Variants in RYR2 observed in about 807,000 individuals in gnomAD.
RYR2 encodes the protein ryanodine receptor 2, also known as cardiac muscle ryanodine receptor-calcium release channel.
A neutral mutation model predicts 601.1 loss-of-function variants in RYR2; 227 were observed. The observed-to-expected ratio is 0.38, with a 90% CI of 0.34 to 0.42. The LOEUF (loss-of-function observed/expected upper bound fraction) is 0.42, where lower values mean the gene tolerates loss of function less well. RYR2 is among the 10% of genes least tolerant of loss of function. RYR2 has a pLI of 1.00. For synonymous variants in RYR2, 2,223 were observed against 2,175.1 expected (o/e 1.02, Z -0.61); for missense variants, 4,646 against 6,156.5 (o/e 0.75, Z 8.21).
In RYR2 at chr1:237,707,271, T is replaced by G. The variant is rs572723136; in HGVS notation, c.9901+2T>G. On this transcript the variant is annotated splice_donor_variant, in intron 68 of 104. Transcript: ENST00000366574. LOFTEE classifies it high-confidence loss of function. ...GAGCCTGGATGAAGAGGCTAGCAGG[T>G]AAGAACTGGAAGAAGACATTGTACC... is the stretch of plus-strand genomic sequence containing the variant. 1 of 1,463,826 alleles carries G rather than the reference T, an allele frequency of 6.8e-7. No homozygotes were observed. The highest frequency in any genetic ancestry group is 1.4e-5 in the African/African-American group (1 of 71,604). 90.7% of individuals were successfully genotyped at this position (1,463,826 alleles called of 1,614,324 possible). A position where few individuals can be genotyped will look rare whatever the true frequency, so the allele number is the denominator to read the frequency against.
At chr1:237,541,118 T>C (rs982781239) in intron 25 of RYR2, among the ~76,000 whole-genome samples, 1 of 152,180 alleles carries the variant, frequency 6.6e-6, no homozygotes, top group African/African-American at 2.4e-5. Flanking sequence ...GATGAGGCAC[T>C]GTAATTATGA....
intron 17 of RYR2, among the ~76,000 whole-genome samples, chr1:237,475,032 A>G (rs1468592083): frequency 6.6e-5 from 10 of 152,258 alleles, no homozygotes; most frequent in Non-Finnish European, 2.9e-5. Flanking sequence ...GACAGATCAC[A>G]TTTAATAAAC....
intron 73 of RYR2, among the ~76,000 whole-genome samples, chr1:237,720,908 GA>G (rs1689666370): frequency 6.6e-6 from 1 of 152,166 alleles, no homozygotes; most frequent in African/African-American, 2.4e-5. Context: ...CAGGAGACAG[GA>G]AGAAGGAAGA....
chr1:237,534,125 G>C (rs1572754691), intron 25 of RYR2, among the ~76,000 whole-genome samples: 1 of 151,956 alleles, frequency 6.6e-6, no homozygotes, highest in Non-Finnish European at 1.5e-5. Flanking sequence ...GTTGAAAATA[G>C]TAAGAATGAC....
Position 237,678,081 on chromosome 1 carries a change from C to G in RYR2, c.8864C>G (p.Pro2955Arg). The G allele has an allele frequency of 6.2e-7, 1 of 1,605,436 alleles. No homozygotes were observed. Among genetic ancestry groups the G allele is most frequent in the Non-Finnish European group, 8.5e-7 (1 of 1,173,546 alleles). ...AGCAGAGGCAAAGGAGAACATTTCC[C>G]TTATGAACAAGAAATCAAGTTCTTT... ...GGSRGKGEHF[P>R]YEQEIKFFAK... Residue 2955 changes from proline to arginine, a missense_variant, in exon 61 of 105, where the codon CCT (proline) becomes CGT (arginine). Physicochemically the swap from Pro to Arg is moderately radical, Grantham distance 103 (BLOSUM62 -2). This residue lies in a region of RYR2 where 1,497 missense variants were observed against 1,842.6 expected (regional missense o/e 0.81). Coordinates refer to ENST00000366574, the MANE Select transcript of RYR2 (RefSeq NM_001035.3).
intron 8 of RYR2, among the ~76,000 whole-genome samples, chr1:237,382,932 G>A (rs1352052104): frequency 2.1e-5 from 3 of 144,738 alleles, no homozygotes; most frequent in Non-Finnish European, 1.5e-5. Context: ...TTTTTCAGAA[G>A]AAAAAACTGA....
intron 2 of RYR2, among the ~76,000 whole-genome samples, chr1:237,307,122 C>T (rs767740415): frequency 6.6e-6 from 1 of 152,052 alleles, no homozygotes; most frequent in African/African-American, 2.4e-5. Context: ...TTCTTTTCTA[C>T]GTAAAAGCTC....
chr1:237,628,702 T>A (rs911643503), intron 41 of RYR2, among the ~76,000 whole-genome samples: 29 of 152,132 alleles, frequency 1.9e-4, no homozygotes, highest in African/African-American at 6.8e-4. Flanking sequence ...TGTTTTTTTT[T>A]AAGTCTCATA....
intron 1 of RYR2, among the ~76,000 whole-genome samples, chr1:237,216,274 G>A (rs948252709): frequency 1.3e-5 from 2 of 151,942 alleles, no homozygotes; most frequent in African/African-American, 2.4e-5. Flanking sequence ...CTATGTCTGT[G>A]TTTCAATAGT....
intron 1 of RYR2, among the ~76,000 whole-genome samples, chr1:237,131,690 C>T (rs958487308): frequency 4.6e-5 from 7 of 151,896 alleles, no homozygotes; most frequent in Non-Finnish European, 1.0e-4. Context: ...TAGCTAGCCT[C>T]TAAGATGGCC....
At chr1:237,469,045 C>G (rs367626517) in intron 16 of RYR2, 47 bp from the exon 17 acceptor site, 1 of 1,502,704 alleles carries the variant, frequency 6.7e-7, no homozygotes, top group Non-Finnish European at 9.2e-7. Flanking sequence ...TCTCAATTTT[C>G]GAGCTAGAAA....
chr1:237,217,380 A>G (rs908464557), intron 1 of RYR2, among the ~76,000 whole-genome samples: 2 of 151,402 alleles, frequency 1.3e-5, no homozygotes, highest in Non-Finnish European at 2.9e-5. Context: ...TAAAGTGACC[A>G]TAGGAATATT....
intron 2 of RYR2, among the ~76,000 whole-genome samples, chr1:237,282,191 T>TG (rs931360371): frequency 4.0e-5 from 6 of 151,566 alleles, no homozygotes; most frequent in African/African-American, 1.5e-4. Flanking sequence ...TTGGCGCATT[T>TG]TTTTTTTTTT....
chr1:237,661,335 G>C (rs892433948), intron 56 of RYR2, among the ~76,000 whole-genome samples: 4 of 152,014 alleles, frequency 2.6e-5, no homozygotes, highest in African/African-American at 9.7e-5. Flanking sequence ...ATCACACACC[G>C]GGGCCTGTCA....
At chr1:237,723,953 T>C (rs1005977879) in intron 74 of RYR2, among the ~76,000 whole-genome samples, 1 of 151,938 alleles carries the variant, frequency 6.6e-6, no homozygotes, top group Admixed American at 6.6e-5. Context: ...ATCATCTGGC[T>C]TAGGTAAAAT....
Position 237,548,560 on chromosome 1 carries a change from C to G in RYR2, c.3036C>G (p.Ile1012Met). The G allele has an allele frequency of 6.2e-7, 1 of 1,613,960 alleles. No homozygotes were observed. The highest frequency in any genetic ancestry group is 8.5e-7 in the Non-Finnish European group (1 of 1,179,882). Residue 1012 changes from isoleucine (I) to methionine (M), a missense_variant, in exon 26 of 105, where the codon ATC becomes ATG. Ile to Met is a conservative substitution (Grantham distance 10). Around this residue, in one of 17 missense-constraint regions of RYR2, gnomAD observed 1,807 missense variants for 2,088.1 expected, o/e 0.87. Coordinates refer to ENST00000366574, the MANE Select transcript of RYR2 (RefSeq NM_001035.3). ...ATAATGTGTGGGCGCGGGATCGAATCCGGCAGGGCTGGACTTATGGCATCC... is the reference window on the plus strand; with the variant it reads ...ATAATGTGTGGGCGCGGGATCGAATGCGGCAGGGCTGGACTTATGGCATCC... Reference protein sequence around the residue: ...NAHNVWARDRIRQGWTYGIQQ... With the variant: ...NAHNVWARDRMRQGWTYGIQQ...
intron 10 of RYR2, among the ~76,000 whole-genome samples, chr1:237,394,916 G>A (rs34555907): frequency 0.15 from 23,314 of 152,158 alleles, 1,987 homozygotes; most frequent in East Asian, 0.28. Context: ...GGCAGAAGGC[G>A]AATGGGAAGG....
intron 10 of RYR2, among the ~76,000 whole-genome samples, chr1:237,397,257 G>T (rs1370535152): frequency 4.6e-5 from 7 of 151,336 alleles, no homozygotes; most frequent in Admixed American, 2.0e-4. Flanking sequence ...AGAAAGAAAA[G>T]AAAAAATGAT....
chr1:237,099,335 T>C (rs1189638797), intron 1 of RYR2, among the ~76,000 whole-genome samples: 1 of 152,058 alleles, frequency 6.6e-6, no homozygotes, highest in Non-Finnish European at 1.5e-5. Flanking sequence ...CCTCCCGGGC[T>C]CAAGCAATCC....
Sources: gnomAD v4.1 joint callset for allele counts (sites outside exome capture counted in the v4.1 genomes callset) on GRCh38, gnomAD v4.1.1 for gene constraint, gnomAD v4.1.1 regional missense constraint, MANE v1.5 for transcripts, NCBI Gene and HGNC (gene_info 2026-07-23, HGNC 2026-07-21) for gene names.